The following WWOX variants were observed in gnomAD, a reference collection of about 807,000 sequenced individuals.
WWOX encodes WW domain containing oxidoreductase.
Under a neutral mutation model 46.2 loss-of-function variants are expected in WWOX, and 69 were observed. That is an observed-to-expected ratio of 1.49 (90% CI 1.23 to 1.82). The LOEUF is 1.82. WWOX is among the 40% of genes most tolerant of loss of function. WWOX has a pLI of 0.00. For synonymous variants in WWOX, 359 were observed against 202.6 expected (o/e 1.77, Z -6.56); for missense variants, 919 against 542.6 (o/e 1.69, Z -6.89).
chr16:79,111,146 T>C (rs112045256), intron 8 of WWOX, among the ~76,000 whole-genome samples: 46 of 152,184 alleles, frequency 3.0e-4, no homozygotes, highest in Non-Finnish European at 5.6e-4. Flanking sequence ...TGCCAAGTCA[T>C]GTAAGTATTC....
In WWOX at chr16:78,328,944, C is replaced by G. The variant is rs78564523; in HGVS notation, c.517-57916C>G. On this transcript the variant is annotated intron_variant, in intron 5 of 8. Transcript: ENST00000566780. The stretch of plus-strand genomic sequence containing the variant: ...TGGTGCGATCTCAGCTCACTGCAGC[C>G]TCTGCCCCCTGGGTTGAAGCGATTC... 9.9e-3 allele frequency among the ~76,000 whole-genome samples: 1,501 copies of G among 152,222 alleles called. 26 individuals carry two copies. Among genetic ancestry groups the G allele is most frequent in the African/African-American group, 0.034 (1,421 of 41,514 alleles).
At chr16:78,682,754 C>G (rs1419646890) in intron 8 of WWOX, among the ~76,000 whole-genome samples, 1 of 152,152 alleles carries the variant, frequency 6.6e-6, no homozygotes, top group African/African-American at 2.4e-5. Context: ...AAAGGTATTT[C>G]TCCCCTTCAC....
chr16:78,941,222 C>T (rs1597181579), intron 8 of WWOX, among the ~76,000 whole-genome samples: 1 of 152,064 alleles, frequency 6.6e-6, no homozygotes, highest in African/African-American at 2.4e-5. Context: ...TAGTGGAGAG[C>T]GTGTTCAGGC....
chr16:79,104,741 CAG>C (rs2049273016), intron 8 of WWOX, among the ~76,000 whole-genome samples: 1 of 152,144 alleles, frequency 6.6e-6, no homozygotes, highest in Non-Finnish European at 1.5e-5. Flanking sequence ...GAGTCCTTTT[CAG>C]AGAGTCATTT....
chr16:78,913,327 G>A (rs1242744930), intron 8 of WWOX, among the ~76,000 whole-genome samples: 3 of 151,946 alleles, frequency 2.0e-5, no homozygotes, highest in Non-Finnish European at 4.4e-5. Context: ...GCATTTTTGA[G>A]CCTCTGCCTG....
intron 5 of WWOX, among the ~76,000 whole-genome samples, chr16:78,176,142 C>T (rs907190725): frequency 1.3e-5 from 2 of 152,292 alleles, no homozygotes; most frequent in South Asian, 2.1e-4. Context: ...TTCTATGCAC[C>T]GGCCCTGGTC....
chr16:78,962,162 G>A (rs2046282662), intron 8 of WWOX, among the ~76,000 whole-genome samples: 2 of 152,100 alleles, frequency 1.3e-5, no homozygotes, highest in South Asian at 2.1e-4. Context: ...GAGGAGAGAA[G>A]AGAAGCCTAG....
intron 8 of WWOX, among the ~76,000 whole-genome samples, chr16:78,566,047 A>G (rs986533908): frequency 8.5e-5 from 13 of 152,160 alleles, no homozygotes; most frequent in African/African-American, 2.9e-4. Context: ...GGGAAGTCCA[A>G]GGTGAAGCCA....
intron 8 of WWOX, among the ~76,000 whole-genome samples, chr16:78,782,098 C>A (rs746873578): frequency 6.6e-5 from 10 of 152,130 alleles, no homozygotes; most frequent in Non-Finnish European, 4.4e-5. Context: ...GAAGCTGTTA[C>A]ATTTGGCAGC....
intron 8 of WWOX, among the ~76,000 whole-genome samples, chr16:79,044,248 C>T (rs895529304): frequency 6.6e-6 from 1 of 152,138 alleles, no homozygotes; most frequent in Non-Finnish European, 1.5e-5. Flanking sequence ...CATCAAAATC[C>T]GTCGTTGAAA....
Position 79,026,612 on chromosome 16 carries a change from C to CT in WWOX, c.1057-184995dup, listed in dbSNP as rs1324687983. ...AACACAGAGCCTGGCATGTGGTAGA[C>CT]TCTTTTTTTTTTTTTTTTTTTTTGA... is the stretch of plus-strand genomic sequence containing the variant. On this transcript the variant is annotated intron_variant, in intron 8 of 8. Transcript: ENST00000566780. Among the ~76,000 whole-genome samples, 73 of 123,338 alleles carry CT rather than the reference C, an allele frequency of 5.9e-4. 1 individual carries two copies. Among genetic ancestry groups the CT allele is most frequent in the African/African-American group, 2.3e-3 (72 of 31,076 alleles). The allele number at this position is 123,338 out of a possible 152,430, so 80.9% of individuals were successfully genotyped here.
At chr16:78,378,115 C>T (rs569292507) in intron 5 of WWOX, among the ~76,000 whole-genome samples, 38 of 151,906 alleles carry the variant, frequency 2.5e-4, no homozygotes, top group Non-Finnish European at 4.9e-4. Context: ...TGCGTCCCCC[C>T]GCCCTGCCCC....
chr16:78,515,549 G>A (rs531440671), intron 8 of WWOX, among the ~76,000 whole-genome samples: 3 of 152,168 alleles, frequency 2.0e-5, no homozygotes, highest in Non-Finnish European at 1.5e-5. Flanking sequence ...GTCTATGAAC[G>A]TTTTTAGAAA....
At chr16:79,028,649 G>A (rs564728436) in intron 8 of WWOX, among the ~76,000 whole-genome samples, 3 of 151,364 alleles carry the variant, frequency 2.0e-5, no homozygotes, top group East Asian at 3.9e-4. Flanking sequence ...GGGAAAAAAC[G>A]CTTCAGTGCG....
intron 8 of WWOX, among the ~76,000 whole-genome samples, chr16:78,711,300 C>T (rs548822811): frequency 6.6e-6 from 1 of 152,294 alleles, no homozygotes; most frequent in Non-Finnish European, 1.5e-5. Context: ...CTTTTGAAGA[C>T]ATTTACTATT....
intron 8 of WWOX, among the ~76,000 whole-genome samples, chr16:79,126,411 G>A (rs1250865286): frequency 6.6e-6 from 1 of 152,120 alleles, no homozygotes; most frequent in East Asian, 1.9e-4. Flanking sequence ...GATCATGGGG[G>A]TGGTTTTCCC....
intron 8 of WWOX, among the ~76,000 whole-genome samples, chr16:78,802,915 GAAAA>G (rs71376394): frequency 3.8e-4 from 4 of 10,440 alleles, no homozygotes; most frequent in African/African-American, 9.5e-4. Context: ...GACTTCATCT[GAAAA>G]AAAAAAAAAA....
chr16:78,993,792 T>G (rs12599933), intron 8 of WWOX, among the ~76,000 whole-genome samples: 150,818 of 152,318 alleles, frequency 0.99, 74,687 homozygotes, highest in East Asian at 1. Context: ...TGGCTTTTCG[T>G]GGTGCAGCTT....
At chr16:78,530,968 G>T (rs570913005) in intron 8 of WWOX, among the ~76,000 whole-genome samples, 1 of 152,292 alleles carries the variant, frequency 6.6e-6, no homozygotes, top group South Asian at 2.1e-4. Flanking sequence ...TAGGCTCTGA[G>T]AATTGATATT....
Sources: gnomAD v4.1 joint callset for allele counts (sites outside exome capture counted in the v4.1 genomes callset) on GRCh38, gnomAD v4.1.1 for gene constraint, MANE v1.5 for transcripts, NCBI Gene and HGNC (gene_info 2026-07-23, HGNC 2026-07-21) for gene names.